The following PLXDC2 variants were observed in gnomAD, a reference collection of about 807,000 sequenced individuals.
PLXDC2 encodes the protein plexin domain containing 2, also known as plexin domain-containing protein 2.
PLXDC2 carries 40 observed loss-of-function variants against 68.9 expected under a neutral mutation model. The observed-to-expected ratio is 0.58, with a 90% CI of 0.45 to 0.76. PLXDC2 has a LOEUF of 0.76. PLXDC2 is among the 30% of genes least tolerant of loss of function. PLXDC2 has a pLI of 0.00. For synonymous variants in PLXDC2, 243 were observed against 234.2 expected (o/e 1.04, Z -0.34); for missense variants, 644 against 661.9 (o/e 0.97, Z 0.30).
intron 12 of PLXDC2, among the ~76,000 whole-genome samples, chr10:20,241,328 C>A (rs1157244596): frequency 1.3e-5 from 2 of 152,154 alleles, no homozygotes; most frequent in Non-Finnish European, 2.9e-5. Flanking sequence ...TTATTTCTGA[C>A]AAGGACTCTT....
intron 2 of PLXDC2, among the ~76,000 whole-genome samples, chr10:20,029,175 T>A (rs572967641): frequency 6.6e-6 from 1 of 152,306 alleles, no homozygotes; most frequent in East Asian, 1.9e-4. Context: ...CTGAATGAAA[T>A]TTCCTTTCTT....
chr10:20,161,454 T>TC (rs1834290774), intron 6 of PLXDC2, among the ~76,000 whole-genome samples: 1 of 138,520 alleles, frequency 7.2e-6, no homozygotes, highest in South Asian at 2.2e-4. Flanking sequence ...TCTCTCTCTC[T>TC]TTTTTTTTTT....
intron 1 of PLXDC2, among the ~76,000 whole-genome samples, chr10:19,866,514 C>T (rs59273767): frequency 0.25 from 38,216 of 152,116 alleles, 5,073 homozygotes; most frequent in African/African-American, 0.35. Flanking sequence ...TGAGGATAGT[C>T]TCCCTATCTT....
intron 12 of PLXDC2, among the ~76,000 whole-genome samples, chr10:20,237,085 G>A (rs923382814): frequency 1.3e-5 from 2 of 151,376 alleles, no homozygotes; most frequent in Non-Finnish European, 2.9e-5. Context: ...TTTCACAGCT[G>A]CCCGATAGTA....
intron 3 of PLXDC2, among the ~76,000 whole-genome samples, chr10:20,056,496 T>C (rs143107852): frequency 4.6e-4 from 70 of 152,330 alleles, no homozygotes; most frequent in Non-Finnish European, 9.3e-4. Flanking sequence ...CTCCTTTTAC[T>C]GACATAATTA....
At chr10:20,042,101 A>G (rs1835693554) in intron 2 of PLXDC2, among the ~76,000 whole-genome samples, 1 of 152,074 alleles carries the variant, frequency 6.6e-6, no homozygotes, top group African/African-American at 2.4e-5. Context: ...TGTTGTGTGT[A>G]CCTCGGGGCT....
chr10:19,816,801 C>G lies in PLXDC2; in HGVS notation c.-279C>G, dbSNP rs1345966467. 5.9e-6 allele frequency: 3 copies of G among 508,756 alleles called. No individual in the cohort carries two copies. The highest frequency in any genetic ancestry group is 2.7e-5 in the South Asian group (1 of 37,004). 31.5% of individuals were successfully genotyped at this position (508,756 alleles called of 1,614,324 possible). On this transcript the variant is annotated 5_prime_UTR_variant, in exon 1 of 14. Transcript: ENST00000377252. Reference sequence around the variant, plus strand: ...TTTGCGAGCCTCGGCTGCAAGTGGCCTCTCCTCCCCGCGGTTGTTGTTCAG... The same window carrying G: ...TTTGCGAGCCTCGGCTGCAAGTGGCGTCTCCTCCCCGCGGTTGTTGTTCAG...
In PLXDC2 at chr10:20,284,126, T is replaced by C. The variant is rs1836116748; in HGVS notation, c.*4307T>C. 1 of 151,828 alleles carries C rather than the reference T, an allele frequency of 6.6e-6. No individual in the cohort carries two copies. The highest frequency in any genetic ancestry group is 2.4e-5 in the African/African-American group (1 of 41,326). 9.4% of individuals were successfully genotyped at this position (151,828 alleles called of 1,614,324 possible). A position where few individuals can be genotyped will look rare whatever the true frequency, so the allele number is the denominator to read the frequency against. On this transcript the variant is annotated 3_prime_UTR_variant, in exon 14 of 14. Transcript: ENST00000377252. ...TAAATAAGACTAATTGAAAACTAGA[T>C]TATCTGGTTCTAATTTCTTCCTCCT... is the stretch of plus-strand genomic sequence containing the variant.
chr10:19,945,287 T>G (rs1330600318), intron 1 of PLXDC2, among the ~76,000 whole-genome samples: 1 of 152,200 alleles, frequency 6.6e-6, no homozygotes, highest in Non-Finnish European at 1.5e-5. Context: ...GGCTCCTCAT[T>G]GAGGAGTCTG....
chr10:20,093,517 G>A (rs1002093805), intron 4 of PLXDC2, among the ~76,000 whole-genome samples: 1 of 152,112 alleles, frequency 6.6e-6, no homozygotes, highest in African/African-American at 2.4e-5. Context: ...GTCTTTGGTG[G>A]CCACTCACTT....
intron 4 of PLXDC2, among the ~76,000 whole-genome samples, chr10:20,086,448 T>A (rs1411427112): frequency 6.6e-6 from 1 of 151,900 alleles, no homozygotes; most frequent in Non-Finnish European, 1.5e-5. Flanking sequence ...CACCTCAGCC[T>A]CCCAAAGTGC....
intron 1 of PLXDC2, among the ~76,000 whole-genome samples, chr10:19,936,829 C>A (rs1168084239): frequency 6.6e-6 from 1 of 152,164 alleles, no homozygotes; most frequent in Non-Finnish European, 1.5e-5. Context: ...GCCTCTGTTT[C>A]CTCATCTGCA....
chr10:19,838,970 A>C (rs145013900), intron 1 of PLXDC2, among the ~76,000 whole-genome samples: 1 of 152,032 alleles, frequency 6.6e-6, no homozygotes, highest in East Asian at 1.9e-4. Flanking sequence ...TGGATCACCT[A>C]AGGCCAGGAG....
At chr10:19,928,613 C>T (rs760840072) in intron 1 of PLXDC2, among the ~76,000 whole-genome samples, 3 of 152,058 alleles carry the variant, frequency 2.0e-5, no homozygotes, top group Admixed American at 6.6e-5. Flanking sequence ...TCCAGGCCAC[C>T]CCTTGGCGGG....
rs374363684 is a variant in PLXDC2 at position 19,950,276 on chromosome 10, C to A, written c.113-51499C>A. Among the ~76,000 whole-genome samples the A allele has an allele frequency of 4.7e-4, 72 of 152,250 alleles. 2 individuals carry two copies. The South Asian group carries it at 5.8e-3, about 12-fold the overall frequency. ...TTCCTAGAAAACCCTAAAGACTCTACCAAAAGGTTCCAGAACTGATAAATG... is the reference window on the plus strand; with the variant it reads ...TTCCTAGAAAACCCTAAAGACTCTAACAAAAGGTTCCAGAACTGATAAATG... On this transcript the variant is annotated intron_variant, in intron 1 of 13. Transcript: ENST00000377252.
At chr10:19,872,284 T>A (rs1837552994) in intron 1 of PLXDC2, among the ~76,000 whole-genome samples, 1 of 152,176 alleles carries the variant, frequency 6.6e-6, no homozygotes, top group African/African-American at 2.4e-5. Context: ...TTCAGCCCCA[T>A]AATGGCGAGC....
At chr10:19,993,646 C>T (rs1834790644) in intron 1 of PLXDC2, among the ~76,000 whole-genome samples, 1 of 152,154 alleles carries the variant, frequency 6.6e-6, no homozygotes, top group Admixed American at 6.5e-5. Context: ...TTTCAAACTC[C>T]TGACCTCAGG....
intron 5 of PLXDC2, among the ~76,000 whole-genome samples, chr10:20,146,687 A>G (rs1474044706): frequency 2.0e-5 from 3 of 152,136 alleles, no homozygotes; most frequent in Admixed American, 6.5e-5. Context: ...TTGCCTCAAA[A>G]GAAATACATT....
At chr10:20,021,839 C>G (rs757728338) in intron 2 of PLXDC2, among the ~76,000 whole-genome samples, 1 of 152,006 alleles carries the variant, frequency 6.6e-6, no homozygotes, top group Non-Finnish European at 1.5e-5. Flanking sequence ...GCTGGGATTA[C>G]AGGCATGCGC....
Sources: gnomAD v4.1 joint callset for allele counts (sites outside exome capture counted in the v4.1 genomes callset) on GRCh38, gnomAD v4.1.1 for gene constraint, MANE v1.5 for transcripts, NCBI Gene and HGNC (gene_info 2026-07-23, HGNC 2026-07-21) for gene names.